LHCGR: variants seen among roughly 807,000 people sequenced by gnomAD.
The protein encoded by LHCGR is lutropin-choriogonadotropic hormone receptor.
Under a neutral mutation model 60.7 loss-of-function variants are expected in LHCGR, and 55 were observed. The ratio of observed to expected loss-of-function variants is 0.91; its 90% CI spans 0.73 to 1.13. LHCGR has a LOEUF of 1.13. LHCGR is among the 50% of genes most tolerant of loss of function. The pLI is 0.00. For missense variants in LHCGR, 862 were observed against 836.0 expected (o/e 1.03, Z -0.38); for synonymous variants, 337 against 316.5 (o/e 1.06, Z -0.69).
At chr2:48,701,132 A>T (rs1667387305) in intron 8 of LHCGR, among the ~76,000 whole-genome samples, 1 of 151,990 alleles carries the variant, frequency 6.6e-6, no homozygotes, top group Non-Finnish European at 1.5e-5. Flanking sequence ...TGAGGGGCTG[A>T]GGGGCAGGAG....
rs1158373163 is a variant in LHCGR, at chr2:48,739,509, G to T, written c.162-8211C>A. 2.6e-5 allele frequency among the ~76,000 whole-genome samples: 4 copies of T among 152,174 alleles called. No individual in the cohort carries two copies. The East Asian group carries it at 7.7e-4, about 29-fold the overall frequency. ...AAAAAATGATGAGTTCATGTCCTTT[G>T]TAGGGACATGGATAAAGCTGGAAAG... On this transcript the variant is annotated intron_variant, in intron 1 of 10. Transcript: ENST00000294954.
intron 7 of LHCGR, among the ~76,000 whole-genome samples, chr2:48,712,891 T>G (rs546450441): frequency 2.7e-4 from 41 of 152,274 alleles, no homozygotes; most frequent in South Asian, 8.3e-4. Context: ...CCACTCACTC[T>G]GAAGTCTATT....
At chr2:48,697,176 G>A (rs1224540174) in intron 9 of LHCGR, among the ~76,000 whole-genome samples, 1 of 152,192 alleles carries the variant, frequency 6.6e-6, no homozygotes, top group South Asian at 2.1e-4. Flanking sequence ...TTGCCTTTTT[G>A]TCTTCACATG....
At chr2:48,726,836 A>G (rs1668757581) in intron 3 of LHCGR, among the ~76,000 whole-genome samples, 2 of 152,198 alleles carry the variant, frequency 1.3e-5, no homozygotes, top group Non-Finnish European at 2.9e-5. Flanking sequence ...GGCCTCAACC[A>G]GTGTTAACAA....
chr2:48,743,715 T>G (rs1424377896), intron 1 of LHCGR, among the ~76,000 whole-genome samples: 11 of 151,558 alleles, frequency 7.3e-5, no homozygotes, highest in African/African-American at 9.7e-5. Flanking sequence ...GAGCTATCTA[T>G]GACAAACCCA....
chr2:48,707,012 T>A (rs925644618), intron 8 of LHCGR, among the ~76,000 whole-genome samples: 1 of 152,338 alleles, frequency 6.6e-6, no homozygotes, highest in South Asian at 2.1e-4. Context: ...CTCTGGTTTC[T>A]CCCCATCTTT....
At chr2:48,750,951 G>A (rs1669928795) in intron 1 of LHCGR, among the ~76,000 whole-genome samples, 2 of 152,234 alleles carry the variant, frequency 1.3e-5, no homozygotes, top group African/African-American at 4.8e-5. Context: ...AGAATTATCT[G>A]GCCCCAATTG....
At chr2:48,728,892 T>G (rs1217022869) in intron 3 of LHCGR, among the ~76,000 whole-genome samples, 2 of 152,060 alleles carry the variant, frequency 1.3e-5, no homozygotes, top group African/African-American at 4.8e-5. Context: ...TTGGCAGGAG[T>G]TCATAATGTC....
At chr2:48,731,632 A>T (rs1348737136) in intron 1 of LHCGR, among the ~76,000 whole-genome samples, 1 of 152,170 alleles carries the variant, frequency 6.6e-6, no homozygotes, top group Non-Finnish European at 1.5e-5. Flanking sequence ...TGTCTGTAAA[A>T]TTGCAATAAT....
intron 7 of LHCGR, 146 bp from the exon 8 acceptor site, chr2:48,709,168 A>G: frequency 2.8e-6 from 2 of 713,078 alleles, no homozygotes; most frequent in Admixed American, 2.0e-5. Context: ...AAAGTGGGAA[A>G]AAGACAAGCT....
intron 1 of LHCGR, among the ~76,000 whole-genome samples, chr2:48,741,294 C>T (rs1300425637): frequency 2.0e-5 from 3 of 152,172 alleles, no homozygotes; most frequent in Non-Finnish European, 4.4e-5. Flanking sequence ...AGAACTTCCC[C>T]AGTCGAGCAA....
At chr2:48,707,191 C>T (rs540206996) in intron 8 of LHCGR, among the ~76,000 whole-genome samples, 79 of 152,342 alleles carry the variant, frequency 5.2e-4, no homozygotes, top group African/African-American at 1.6e-3. Flanking sequence ...AGATCCACTC[C>T]GGACTCTGTT....
intron 1 of LHCGR, among the ~76,000 whole-genome samples, chr2:48,750,492 C>G (rs1418248834): frequency 1.3e-5 from 2 of 152,180 alleles, no homozygotes; most frequent in Non-Finnish European, 2.9e-5. Flanking sequence ...CCTACAAATT[C>G]TGTTATAGGA....
At chr2:48,753,219 T>C (rs1670056507) in intron 1 of LHCGR, among the ~76,000 whole-genome samples, 1 of 152,078 alleles carries the variant, frequency 6.6e-6, no homozygotes, top group African/African-American at 2.4e-5. Flanking sequence ...ATTTCCCAGG[T>C]GATGTTCATA....
intron 1 of LHCGR, among the ~76,000 whole-genome samples, chr2:48,755,138 C>T (rs1438177579): frequency 6.6e-6 from 1 of 151,972 alleles, no homozygotes; most frequent in Non-Finnish European, 1.5e-5. Flanking sequence ...TGGCCCAAGG[C>T]TCAAAGGCCT....
At chr2:48,725,363 C>A (rs1668671477) in intron 4 of LHCGR, among the ~76,000 whole-genome samples, 1 of 152,136 alleles carries the variant, frequency 6.6e-6, no homozygotes, top group South Asian at 2.1e-4. Flanking sequence ...TTCTGATTTA[C>A]CCTTTTTAAA....
At chr2:48,736,544 A>G (rs1362313573) in intron 1 of LHCGR, among the ~76,000 whole-genome samples, 2 of 152,190 alleles carry the variant, frequency 1.3e-5, no homozygotes, top group Non-Finnish European at 2.9e-5. Context: ...GGTACCCAGG[A>G]TTGGGGCTTG....
intron 1 of LHCGR, among the ~76,000 whole-genome samples, chr2:48,752,432 A>G (rs1572901052): frequency 1.3e-5 from 2 of 152,142 alleles, no homozygotes; most frequent in Non-Finnish European, 2.9e-5. Flanking sequence ...GAGAACTTGG[A>G]GTGCTCCCCT....
intron 6 of LHCGR, among the ~76,000 whole-genome samples, chr2:48,714,365 C>T (rs1373650924): frequency 1.3e-5 from 2 of 152,120 alleles, no homozygotes; most frequent in African/African-American, 2.4e-5. Context: ...AGCTGGGATC[C>T]AAGGCCAGAG....
Sources: gnomAD v4.1 joint callset for allele counts (sites outside exome capture counted in the v4.1 genomes callset) on GRCh38, gnomAD v4.1.1 for gene constraint, MANE v1.5 for transcripts, NCBI Gene and HGNC (gene_info 2026-07-23, HGNC 2026-07-21) for gene names.